The following THOC2 variants were observed in gnomAD, a reference collection of about 807,000 sequenced individuals.
THOC2 encodes THO complex subunit 2, also known as THO complex 2.
THOC2 carries 10 observed loss-of-function variants against 128.4 expected under a neutral mutation model. The observed-to-expected ratio is 0.08, with a 90% confidence interval of 0.05 to 0.13. The LOEUF is 0.13. Ranked by LOEUF, THOC2 falls within the 10% of genes least tolerant of loss-of-function variation. The pLI is 1.00. For missense variants in THOC2, 535 were observed against 1,155.7 expected (o/e 0.46, Z 7.79); for synonymous variants, 393 against 396.9 (o/e 0.99, Z 0.12).
chrX:123,605,065 T>C (rs1413403288), intron 38 of THOC2, among the ~76,000 whole-genome samples: 2 of 112,228 alleles, frequency 1.8e-5, no homozygotes, highest in Admixed American at 9.4e-5. Context: ...TACTGCAACC[T>C]AGGAATTCTT....
chrX:123,728,635 T>C (rs1249707367), intron 1 of THOC2, among the ~76,000 whole-genome samples: 1 of 111,037 alleles, frequency 9.0e-6, no homozygotes, highest in Non-Finnish European at 1.9e-5. Flanking sequence ...CTCCAAGAAA[T>C]TCAGATCAGA....
chrX:123,636,240 T>G (rs774039286), intron 18 of THOC2, 65 bp from the exon 19 acceptor site: 1 of 862,321 alleles, frequency 1.2e-6, no homozygotes, highest in Admixed American at 2.6e-5. Flanking sequence ...TCATTTCAAC[T>G]AAACCTCTAA....
At chrX:123,609,984 G>A (rs777490373) in intron 38 of THOC2, among the ~76,000 whole-genome samples, 26 of 110,142 alleles carry the variant, frequency 2.4e-4, no homozygotes, top group Admixed American at 6.7e-4. Flanking sequence ...AGCTGAGATC[G>A]CGCCACTGCA....
intron 22 of THOC2, among the ~76,000 whole-genome samples, chrX:123,628,987 C>T (rs1050391027): frequency 6.4e-5 from 7 of 108,791 alleles, no homozygotes; most frequent in Non-Finnish European, 1.3e-4. Context: ...CAGCTTCTTT[C>T]GTTTGACTGG....
intron 7 of THOC2, among the ~76,000 whole-genome samples, chrX:123,695,595 C>T (rs760434889): frequency 8.0e-5 from 9 of 111,946 alleles, no homozygotes; most frequent in Non-Finnish European, 1.5e-4. Flanking sequence ...TGAAGATTTA[C>T]TGTATTAAAG....
At chrX:123,636,539 A>G (rs921193107) in intron 18 of THOC2, among the ~76,000 whole-genome samples, 15 of 111,935 alleles carry the variant, frequency 1.3e-4, no homozygotes, top group African/African-American at 4.5e-4. Flanking sequence ...AAACTAAGTT[A>G]TAACAAAATC....
At chrX:123,689,371 T>C (rs2050130796) in intron 7 of THOC2, among the ~76,000 whole-genome samples, 1 of 112,228 alleles carries the variant, frequency 8.9e-6, no homozygotes, top group Admixed American at 9.5e-5. Context: ...TAAGTCCAAT[T>C]AATTTTATCC....
At chrX:123,708,402 A>G (rs1208627432) in intron 2 of THOC2, among the ~76,000 whole-genome samples, 1 of 112,131 alleles carries the variant, frequency 8.9e-6, no homozygotes, top group African/African-American at 3.2e-5. Context: ...TATCGCAGGT[A>G]TAAGAGGTCA....
At chrX:123,691,929 G>A (rs965392143) in intron 7 of THOC2, among the ~76,000 whole-genome samples, 1 of 111,898 alleles carries the variant, frequency 8.9e-6, no homozygotes, top group Non-Finnish European at 1.9e-5. Context: ...ATTTATTTAT[G>A]TACTATCTAT....
At chrX:123,731,647 G>A (rs888897411) in intron 1 of THOC2, among the ~76,000 whole-genome samples, 3 of 111,628 alleles carry the variant, frequency 2.7e-5, no homozygotes, top group Non-Finnish European at 5.6e-5. Context: ...AAGTGGTTAA[G>A]GAACTTACCC....
intron 12 of THOC2, among the ~76,000 whole-genome samples, chrX:123,650,166 GA>G (rs2147731236): frequency 1.8e-5 from 2 of 111,628 alleles, no homozygotes; most frequent in Admixed American, 1.9e-4. Context: ...CATTCTTAAA[GA>G]AAAGAATTTT....
chrX:123,680,080 G>A (rs899603690), intron 8 of THOC2, among the ~76,000 whole-genome samples: 3 of 111,510 alleles, frequency 2.7e-5, no homozygotes, highest in Non-Finnish European at 5.7e-5. Context: ...TCCGACACCC[G>A]TAAAGGGTCT....
chrX:123,631,333 T>C, intron 22 of THOC2, among the ~76,000 whole-genome samples: 1 of 112,219 alleles, frequency 8.9e-6, no homozygotes, highest in Non-Finnish European at 1.9e-5. Context: ...ACTCCCTTAT[T>C]GTCTTTTTCC....
At chrX:123,647,940 G>A (rs7885542) in intron 12 of THOC2, among the ~76,000 whole-genome samples, 3,025 of 109,017 alleles carry the variant, frequency 0.028, 97 homozygotes, top group African/African-American at 0.093. Flanking sequence ...ATGGATTGTT[G>A]AGACCTGGCA....
chrX:123,679,143 T>A (rs1253979528), intron 8 of THOC2, among the ~76,000 whole-genome samples: 1 of 111,358 alleles, frequency 9.0e-6, no homozygotes, highest in African/African-American at 3.3e-5. Context: ...CCCACTTCCC[T>A]TGCCATCTAC....
chrX:123,677,181 C>G (rs188311974), intron 8 of THOC2, among the ~76,000 whole-genome samples: 2 of 111,163 alleles, frequency 1.8e-5, no homozygotes, highest in African/African-American at 6.5e-5. Context: ...CTAAACCTAT[C>G]TAAACACAGA....
At chrX:123,638,162 T>C in intron 17 of THOC2, 39 bp from the exon 18 acceptor site, 1 of 924,491 alleles carries the variant, frequency 1.1e-6, no homozygotes, top group Non-Finnish European at 1.5e-6. Flanking sequence ...ATTACATCTC[T>C]AATAAAGACC....
intron 2 of THOC2, 54 bp from the exon 3 acceptor site, chrX:123,707,003 T>C: frequency 1.9e-6 from 1 of 521,679 alleles, no homozygotes; most frequent in Non-Finnish European, 2.9e-6. Flanking sequence ...ACATGAAAAG[T>C]AAATCTATAT....
intron 25 of THOC2, 134 bp from the exon 26 acceptor site, chrX:123,624,803 G>C (rs1477012201): frequency 1.7e-5 from 9 of 517,207 alleles, no homozygotes; most frequent in Admixed American, 1.3e-4. Context: ...TTTATATAAT[G>C]ACACTGCAGA....
Sources: allele counts gnomAD v4.1 joint callset (sites outside exome capture counted in the v4.1 genomes callset), GRCh38; gene constraint gnomAD v4.1.1; transcripts MANE v1.5; gene names NCBI Gene and HGNC (gene_info 2026-07-23, HGNC 2026-07-21).